The following SLCO1B3 variants were observed in gnomAD, a reference collection of about 807,000 sequenced individuals.
The protein encoded by SLCO1B3 is solute carrier organic anion transporter family member 1B3.
SLCO1B3 carries 72 observed loss-of-function variants against 71.8 expected under a neutral mutation model. That is an observed-to-expected ratio of 1.00 (90% CI 0.83 to 1.22). SLCO1B3 has a LOEUF of 1.22. Among genes scored for constraint, SLCO1B3 ranks in the 50% most tolerant of loss-of-function variants. The pLI is 0.00. For missense variants in SLCO1B3, 911 were observed against 819.7 expected (o/e 1.11, Z -1.36); for synonymous variants, 298 against 278.4 (o/e 1.07, Z -0.70).
chr12:20,908,626 G>A (rs1347086930), intron 15 of SLCO1B3, among the ~76,000 whole-genome samples: 2 of 152,114 alleles, frequency 1.3e-5, no homozygotes, highest in African/African-American at 4.8e-5. Flanking sequence ...TCATATAGTT[G>A]GAATTATACA....
chr12:20,851,919 C>T (rs922055015), intron 3 of SLCO1B3, among the ~76,000 whole-genome samples: 5 of 149,280 alleles, frequency 3.3e-5, no homozygotes, highest in African/African-American at 4.9e-5. Context: ...GACTGGTTCT[C>T]TCCCTGTCAT....
intron 3 of SLCO1B3, among the ~76,000 whole-genome samples, chr12:20,847,111 A>C (rs1013073261): frequency 6.6e-6 from 1 of 152,132 alleles, no homozygotes; most frequent in Admixed American, 6.6e-5. Context: ...AAAGCCTCGC[A>C]TATGCCCAGG....
chr12:20,897,581 T>C (rs1866038473), intron 13 of SLCO1B3, among the ~76,000 whole-genome samples: 1 of 152,204 alleles, frequency 6.6e-6, no homozygotes, highest in Non-Finnish European at 1.5e-5. Context: ...TGGTATCTCT[T>C]AGTAGGTGCT....
intron 3 of SLCO1B3, among the ~76,000 whole-genome samples, chr12:20,820,975 AG>A (rs1236107274): frequency 1.3e-5 from 2 of 151,974 alleles, no homozygotes; most frequent in African/African-American, 4.8e-5. Flanking sequence ...AGGTGTGAGG[AG>A]GGGAGGCGAT....
intron 8 of SLCO1B3, 118 bp from the exon 9 acceptor site, chr12:20,875,117 G>A: frequency 8.0e-7 from 1 of 1,250,024 alleles, no homozygotes; most frequent in South Asian, 1.3e-5. Flanking sequence ...AGAATTGAAA[G>A]TAAACATTTG....
At chr12:20,819,458 G>C (rs1864251901) in intron 3 of SLCO1B3, among the ~76,000 whole-genome samples, 1 of 152,172 alleles carries the variant, frequency 6.6e-6, no homozygotes, top group Admixed American at 6.5e-5. Flanking sequence ...GAGAGGCTTG[G>C]ATGACTGGTG....
intron 3 of SLCO1B3, among the ~76,000 whole-genome samples, chr12:20,846,644 G>A (rs1344498383): frequency 1.3e-5 from 2 of 152,100 alleles, no homozygotes; most frequent in Non-Finnish European, 2.9e-5. Context: ...CATAATCCAT[G>A]GATACTTGTG....
In SLCO1B3 at chr12:20,827,428, C is replaced by T. The variant is rs145765366; in HGVS notation, c.84+11606C>T. Among the ~76,000 whole-genome samples the T allele has an allele frequency of 6.7e-3, 1,016 of 152,278 alleles. 13 individuals carry two copies. The highest frequency in any genetic ancestry group is 0.024 in the African/African-American group (982 of 41,552). ...ATGCTTTTGTAAATCCAATTAATTA[C>T]AGCTCCTTTATATATTTTTAGTAGT... On this transcript the variant is annotated intron_variant, in intron 3 of 15. Coordinates refer to ENST00000381545, the MANE Select transcript of SLCO1B3 (RefSeq NM_019844.4).
chr12:20,861,141 A>G lies in SLCO1B3; in HGVS notation c.481+3A>G, dbSNP rs199631489. 1.6e-4 allele frequency: 247 copies of G among 1,577,564 alleles called. 1 individual carries two copies. The highest frequency in any genetic ancestry group is 5.4e-4 in the Admixed American group (28 of 52,022). On this transcript the variant is annotated splice_donor_region_variant and intron_variant, in intron 6 of 15. Transcript: ENST00000381545. ...ATCACCTGAGATAGTAGAAAAAGGTAAGAATTAATAGTGACAGTAAAACAA... is the reference window on the plus strand; with the variant it reads ...ATCACCTGAGATAGTAGAAAAAGGTGAGAATTAATAGTGACAGTAAAACAA...
chr12:20,849,234 A>T (rs1864974824), intron 3 of SLCO1B3, among the ~76,000 whole-genome samples: 1 of 152,096 alleles, frequency 6.6e-6, no homozygotes. Context: ...ACAAAAATGG[A>T]TTCATCCTGG....
intron 3 of SLCO1B3, among the ~76,000 whole-genome samples, chr12:20,844,740 A>G (rs995016217): frequency 3.3e-5 from 5 of 151,946 alleles, no homozygotes; most frequent in Non-Finnish European, 7.4e-5. Flanking sequence ...AATTAAAAAA[A>G]ATTATTCGGC....
chr12:20,869,985 T>C (rs1865448340), intron 8 of SLCO1B3, among the ~76,000 whole-genome samples: 1 of 152,184 alleles, frequency 6.6e-6, no homozygotes, highest in African/African-American at 2.4e-5. Flanking sequence ...TCCACATCTA[T>C]GCCAACACTT....
intron 3 of SLCO1B3, among the ~76,000 whole-genome samples, chr12:20,837,488 C>A (rs916608040): frequency 4.6e-5 from 7 of 152,164 alleles, no homozygotes; most frequent in African/African-American, 1.4e-4. Context: ...GCTTTTGCTA[C>A]CTCCCACAAA....
intron 13 of SLCO1B3, among the ~76,000 whole-genome samples, chr12:20,888,260 G>A (rs755495032): frequency 6.6e-6 from 1 of 151,948 alleles, no homozygotes; most frequent in South Asian, 2.1e-4. Flanking sequence ...CATAAAAATT[G>A]TGTTGAATCT....
intron 14 of SLCO1B3, among the ~76,000 whole-genome samples, chr12:20,900,984 T>G (rs1026011918): frequency 2.6e-5 from 4 of 152,216 alleles, no homozygotes; most frequent in Non-Finnish European, 5.9e-5. Flanking sequence ...CATTCTTGCC[T>G]AAGAAAAATT....
intron 3 of SLCO1B3, among the ~76,000 whole-genome samples, chr12:20,838,560 C>G (rs1864732564): frequency 6.6e-6 from 1 of 152,062 alleles, no homozygotes; most frequent in Non-Finnish European, 1.5e-5. Flanking sequence ...TGTACTTACA[C>G]AAGCCTAGAT....
Position 20,883,509 on chromosome 12 carries a change from G to A in SLCO1B3, c.1589G>A (p.Cys530Tyr), listed in dbSNP as rs761374022. 2 of 1,604,604 alleles carry A rather than the reference G, an allele frequency of 1.2e-6. No homozygotes were observed. Among genetic ancestry groups the A allele is most frequent in the Non-Finnish European group, 1.7e-6 (2 of 1,175,924 alleles). Residue 530 changes from cysteine to tyrosine, a missense_variant, in exon 13 of 16, where the codon TGT (cysteine) becomes TAT (tyrosine). Coordinates refer to ENST00000381545, the MANE Select transcript of SLCO1B3 (RefSeq NM_019844.4). Reference protein sequence around the residue: ...HLGECPRDNTCTRKFFIYVAI... With the variant: ...HLGECPRDNTYTRKFFIYVAI... The stretch of plus-strand genomic sequence containing the variant: ...GGTGAATGCCCAAGAGATAATACTT[G>A]TACAAGGAAATTTTTCATCTATGTT...
intron 15 of SLCO1B3, 80 bp from the exon 16 acceptor site, chr12:20,915,924 A>G (rs1437832573): frequency 1.9e-6 from 2 of 1,038,868 alleles, no homozygotes; most frequent in African/African-American, 1.6e-5. Context: ...CTTTTAAGAT[A>G]TGCATACTGG....
intron 8 of SLCO1B3, among the ~76,000 whole-genome samples, chr12:20,872,464 C>G (rs1474419635): frequency 6.6e-6 from 1 of 151,940 alleles, no homozygotes; most frequent in Non-Finnish European, 1.5e-5. Context: ...GACAAAGTCG[C>G]CTTTATTTTT....
Sources: allele counts gnomAD v4.1 joint callset (sites outside exome capture counted in the v4.1 genomes callset), GRCh38; gene constraint gnomAD v4.1.1; transcripts MANE v1.5; gene names NCBI Gene and HGNC (gene_info 2026-07-23, HGNC 2026-07-21).